The following BACH2 variants were observed in gnomAD, a reference collection of about 807,000 sequenced individuals.
BACH2 encodes the protein transcription regulator protein BACH2.
A neutral mutation model predicts 61.8 loss-of-function variants in BACH2; 5 were observed. The ratio of observed to expected loss-of-function variants is 0.08; its 90% CI spans 0.04 to 0.17. The LOEUF (loss-of-function observed/expected upper bound fraction) is 0.17. Among genes scored for constraint, BACH2 ranks in the 10% least tolerant of loss-of-function variants. BACH2 has a pLI of 1.00. For synonymous variants in BACH2, 446 were observed against 440.1 expected, an observed-to-expected ratio of 1.01 and a Z score of -0.17; for missense variants, 824 against 1,091.1, an observed-to-expected ratio of 0.76 and a Z score of 3.45.
chr6:90,072,237 C>G (rs926667316), intron 5 of BACH2, among the ~76,000 whole-genome samples: 2 of 152,194 alleles, frequency 1.3e-5, no homozygotes, highest in Admixed American at 1.3e-4. Flanking sequence ...GGCAATGTTA[C>G]TATAATAAGT....
intron 4 of BACH2, among the ~76,000 whole-genome samples, chr6:90,143,736 T>C (rs957904645): frequency 6.6e-6 from 1 of 152,130 alleles, no homozygotes; most frequent in African/African-American, 2.4e-5. Flanking sequence ...CGTCAGCTCC[T>C]TGAATAAGCC....
chr6:90,171,747 T>A (rs947572709), intron 4 of BACH2, among the ~76,000 whole-genome samples: 1 of 152,134 alleles, frequency 6.6e-6, no homozygotes, highest in Non-Finnish European at 1.5e-5. Context: ...AACACAGATA[T>A]AAAATAGATG....
chr6:90,002,550 A>G (rs1000370892), intron 6 of BACH2, among the ~76,000 whole-genome samples: 16 of 152,300 alleles, frequency 1.1e-4, no homozygotes, highest in African/African-American at 3.8e-4. Context: ...CAAGTGGATC[A>G]CTTGAGGTCA....
intron 4 of BACH2, among the ~76,000 whole-genome samples, chr6:90,131,008 T>C (rs957024108): frequency 1.3e-5 from 2 of 152,238 alleles, no homozygotes; most frequent in African/African-American, 4.8e-5. Flanking sequence ...AGTGTTAATA[T>C]GGTCTTTTAG....
chr6:89,975,054 T>C (rs1358207283), intron 6 of BACH2, among the ~76,000 whole-genome samples: 2 of 152,130 alleles, frequency 1.3e-5, no homozygotes, highest in Non-Finnish European at 2.9e-5. Context: ...CCAGGATGAA[T>C]TTATACAGTG....
At chr6:90,224,039 C>A (rs1212699006) in intron 3 of BACH2, among the ~76,000 whole-genome samples, 5 of 152,128 alleles carry the variant, frequency 3.3e-5, no homozygotes, top group Admixed American at 3.3e-4. Flanking sequence ...AATTTTGGCA[C>A]CTGAATTCTG....
intron 4 of BACH2, among the ~76,000 whole-genome samples, chr6:90,172,046 G>A (rs145932283): frequency 0.014 from 2,190 of 152,180 alleles, 58 homozygotes; most frequent in African/African-American, 0.05. Context: ...AGTGGCTCAC[G>A]CCTGTAATTC....
intron 3 of BACH2, among the ~76,000 whole-genome samples, chr6:90,206,977 C>T (rs1159782838): frequency 1.3e-5 from 2 of 151,984 alleles, no homozygotes; most frequent in African/African-American, 4.8e-5. Context: ...CAGTCCAATT[C>T]CCCCCAAACA....
At chr6:90,102,495 A>G (rs1036464912) in intron 4 of BACH2, among the ~76,000 whole-genome samples, 2 of 152,154 alleles carry the variant, frequency 1.3e-5, no homozygotes. Context: ...CCTTTCAAAA[A>G]GTGCCCTCCT....
intron 4 of BACH2, among the ~76,000 whole-genome samples, chr6:90,202,256 T>C (rs994285643): frequency 6.6e-6 from 1 of 152,140 alleles, no homozygotes; most frequent in Non-Finnish European, 1.5e-5. Flanking sequence ...AAGTCTGGAC[T>C]TCACAGCTTC....
chr6:90,057,150 C>A (rs986270733), intron 5 of BACH2, among the ~76,000 whole-genome samples: 2 of 151,910 alleles, frequency 1.3e-5, no homozygotes, highest in Non-Finnish European at 2.9e-5. Context: ...AATAGAGACA[C>A]AAAAAACCCT....
rs1029212280 is a variant in BACH2, at chr6:90,137,555, C to T, written c.-161-48446G>A. 4.9e-4 allele frequency among the ~76,000 whole-genome samples: 75 copies of T among 152,136 alleles called. 1 individual carries two copies. The highest frequency in any genetic ancestry group is 5.1e-4 in the Non-Finnish European group (35 of 68,024). ...ACCAGGCTCCAGTCTCTTTCTTCTC[C>T]CAATTTTTACTACTTGCCACACTTT... On this transcript the variant is annotated intron_variant, in intron 4 of 8. Transcript: ENST00000257749.
chr6:90,156,310 C>G (rs567633034), intron 4 of BACH2, among the ~76,000 whole-genome samples: 1 of 152,304 alleles, frequency 6.6e-6, no homozygotes, highest in African/African-American at 2.4e-5. Flanking sequence ...TCATAACAAC[C>G]CCTGTAGGCA....
intron 7 of BACH2, among the ~76,000 whole-genome samples, chr6:89,940,338 T>C (rs1191038846): frequency 6.6e-6 from 1 of 152,102 alleles, no homozygotes; most frequent in African/African-American, 2.4e-5. Context: ...TAGCAACCAG[T>C]GAAAAAGACT....
intron 3 of BACH2, among the ~76,000 whole-genome samples, chr6:90,213,023 T>C (rs1486250346): frequency 7.2e-5 from 11 of 152,186 alleles, no homozygotes; most frequent in African/African-American, 2.4e-4. Flanking sequence ...TTTAGGACTA[T>C]CTCAATTTAA....
In BACH2 at chr6:90,224,070, G is replaced by A. The variant is rs116119329; in HGVS notation, c.-274-17389C>T. On this transcript the variant is annotated intron_variant, in intron 3 of 8. Transcript: ENST00000257749. ...TTCTGGAAATGAGCAGATTTGAATT[G>A]TAAGGCACAGTTGTATTGGAAATTA... Among the ~76,000 whole-genome samples the A allele has an allele frequency of 4.0e-3, 604 of 152,340 alleles. 5 individuals are homozygous for A. The highest frequency in any genetic ancestry group is 0.013 in the African/African-American group (559 of 41,580).
intron 4 of BACH2, among the ~76,000 whole-genome samples, chr6:90,156,521 G>C (rs1244011395): frequency 1.3e-5 from 2 of 152,204 alleles, no homozygotes; most frequent in Non-Finnish European, 2.9e-5. Flanking sequence ...CTTCAGGGGA[G>C]CATTGTACAA....
At chr6:90,217,955 T>C (rs1769595243) in intron 3 of BACH2, 1 of 152,252 alleles carries the variant, frequency 6.6e-6, no homozygotes, top group South Asian at 2.1e-4. Context: ...AAGAAAACCA[T>C]AGTAATGACT....
chr6:90,100,796 G>A (rs1312390186), intron 4 of BACH2, among the ~76,000 whole-genome samples: 1 of 150,720 alleles, frequency 6.6e-6, no homozygotes, highest in Non-Finnish European at 1.5e-5. Context: ...AATATACTGG[G>A]ACAAATGGTA....
Sources: gnomAD v4.1 joint callset for allele counts (sites outside exome capture counted in the v4.1 genomes callset) on GRCh38, gnomAD v4.1.1 for gene constraint, MANE v1.5 for transcripts, NCBI Gene and HGNC (gene_info 2026-07-23, HGNC 2026-07-21) for gene names.